The following GNG4 variants were observed in gnomAD, a reference collection of about 807,000 sequenced individuals.
GNG4 encodes the protein guanine nucleotide-binding protein G(I)/G(S)/G(O) subunit gamma-4.
In GNG4, 4 loss-of-function variants were observed where a neutral mutation model predicts 5.8. That is an observed-to-expected ratio of 0.69 (90% CI 0.34 to 1.57). The LOEUF (loss-of-function observed/expected upper bound fraction) is 1.57. GNG4 is among the 40% of genes most tolerant of loss of function. The pLI, the probability that GNG4 is intolerant of heterozygous loss-of-function variation, is 0.06. For synonymous variants in GNG4, 29 were observed against 32.9 expected (o/e 0.88, Z 0.41); for missense variants, 96 against 95.1 (o/e 1.01, Z -0.04).
intron 1 of GNG4, among the ~76,000 whole-genome samples, chr1:235,639,309 A>C (rs1657244907): frequency 6.6e-6 from 1 of 152,248 alleles, no homozygotes; most frequent in Non-Finnish European, 1.5e-5. Flanking sequence ...AGTTCATACA[A>C]CATAAGCCAC....
intron 1 of GNG4, among the ~76,000 whole-genome samples, chr1:235,632,846 G>A (rs1688961772): frequency 6.6e-6 from 1 of 152,132 alleles, no homozygotes; most frequent in Non-Finnish European, 1.5e-5. Flanking sequence ...AAAAAACGTA[G>A]TCACGTAGTT....
At chr1:235,608,687 ATTT>A (rs58183552) in intron 1 of GNG4, among the ~76,000 whole-genome samples, 78 of 143,450 alleles carry the variant, frequency 5.4e-4, no homozygotes, top group African/African-American at 1.6e-3. Context: ...TTTATTTTTT[ATTT>A]TTTTTTTTTT....
chr1:235,599,930 T>C (rs1688218111), intron 1 of GNG4, among the ~76,000 whole-genome samples: 1 of 152,094 alleles, frequency 6.6e-6, no homozygotes, highest in Non-Finnish European at 1.5e-5. Flanking sequence ...CATAGCATCT[T>C]CCATCCAACG....
chr1:235,587,768 TGTGGG>T (rs1342481586), intron 2 of GNG4, among the ~76,000 whole-genome samples: 5 of 103,412 alleles, frequency 4.8e-5, no homozygotes, highest in Admixed American at 1.0e-4. Flanking sequence ...TGTGGGAGAG[TGTGGG>T]GTGGGGGTGT....
Position 235,549,889 on chromosome 1 carries a change from A to G in GNG4, c.*2220T>C, listed in dbSNP as rs868126277. The G allele has an allele frequency of 2.6e-5, 4 of 152,156 alleles. No individual in the cohort carries two copies. Among genetic ancestry groups the G allele is most frequent in the Non-Finnish European group, 4.4e-5 (3 of 68,026 alleles). 9.4% of individuals were successfully genotyped at this position (152,156 alleles called of 1,614,324 possible). A position where few individuals can be genotyped will look rare whatever the true frequency, so the allele number is the denominator to read the frequency against. On this transcript the variant is annotated 3_prime_UTR_variant, in exon 4 of 4. Transcript: ENST00000391854. ...GCATTTAGTACATTTATTTGTTTTA[A>G]ATGATAATCAGAGCTTTCATCTATG...
Position 235,631,586 on chromosome 1 carries a change from T to C in GNG4, c.-123+18076A>G, listed in dbSNP as rs578106135. On this transcript the variant is annotated intron_variant, in intron 1 of 3. Transcript: ENST00000391854. ...TCTTTTCTTTCTTTCTTTTTTTTTT[T>C]TTCAGACAGAGTCTTGCTCTGTTGC... is the stretch of plus-strand genomic sequence containing the variant. Among the ~76,000 whole-genome samples the C allele has an allele frequency of 1.3e-3, 195 of 152,110 alleles. 1 individual carries two copies. Among genetic ancestry groups the C allele is most frequent in the African/African-American group, 4.5e-3 (187 of 41,516 alleles).
rs1686656210 is a variant in GNG4 at position 235,548,834 on chromosome 1, G to C, written c.*3275C>G. On this transcript the variant is annotated 3_prime_UTR_variant, in exon 4 of 4. Coordinates refer to ENST00000391854, the MANE Select transcript of GNG4 (RefSeq NM_001098722.2). ...TTATTCCATTCATCTTCCACTGACA[G>C]AGTGGGGGAGCTCAGTGACATGTCT... 6.6e-6 allele frequency: 1 copy of C among 152,244 alleles called. No individual in the cohort carries two copies. Among genetic ancestry groups the C allele is most frequent in the Non-Finnish European group, 1.5e-5 (1 of 68,072 alleles). The allele number at this position is 152,244 out of a possible 1,614,324, so 9.4% of individuals were successfully genotyped here. A position where few individuals can be genotyped will look rare whatever the true frequency, so the allele number is the denominator to read the frequency against.
chr1:235,592,358 G>T (rs12078941), intron 2 of GNG4, among the ~76,000 whole-genome samples: 59 of 152,058 alleles, frequency 3.9e-4, no homozygotes, highest in African/African-American at 1.4e-3. Context: ...ATACAAAAAA[G>T]ATTAGCCAGG....
intron 1 of GNG4, among the ~76,000 whole-genome samples, chr1:235,618,400 C>T (rs1688640320): frequency 6.6e-6 from 1 of 152,200 alleles, no homozygotes; most frequent in South Asian, 2.1e-4. Context: ...CGTGGGCCAG[C>T]CTCAGGCACG....
intron 1 of GNG4, among the ~76,000 whole-genome samples, chr1:235,613,406 A>T (rs1688524523): frequency 6.6e-6 from 1 of 152,190 alleles, no homozygotes; most frequent in African/African-American, 2.4e-5. Flanking sequence ...TAGGTTGCAG[A>T]TGCAATTAAC....
At chr1:235,587,885 GTGTT>G (rs1687861426) in intron 2 of GNG4, among the ~76,000 whole-genome samples, 1 of 151,142 alleles carries the variant, frequency 6.6e-6, no homozygotes, top group Non-Finnish European at 1.5e-5. Context: ...TGTGGGGGGT[GTGTT>G]TGTGTCTGGA....
chr1:235,605,962 G>GC (rs77540275), intron 1 of GNG4, among the ~76,000 whole-genome samples: 1 of 147,064 alleles, frequency 6.8e-6, no homozygotes, highest in African/African-American at 2.5e-5. Context: ...GTGTGGGGGG[G>GC]TGGGTCTCAC....
chr1:235,618,688 C>T (rs1168119930), intron 1 of GNG4, among the ~76,000 whole-genome samples: 1 of 150,768 alleles, frequency 6.6e-6, no homozygotes, highest in East Asian at 2.0e-4. Context: ...CAGAGTCTCA[C>T]TCTGTCACCG....
chr1:235,554,782 T>C (rs1686853930), intron 3 of GNG4, among the ~76,000 whole-genome samples: 1 of 148,698 alleles, frequency 6.7e-6, no homozygotes, highest in Non-Finnish European at 1.5e-5. Flanking sequence ...GAGTTGGAAG[T>C]TGCAATGAGC....
At chr1:235,598,697 C>T (rs1428413046) in intron 1 of GNG4, among the ~76,000 whole-genome samples, 1 of 151,332 alleles carries the variant, frequency 6.6e-6, no homozygotes, top group East Asian at 1.9e-4. Context: ...TGGGGGAGGA[C>T]TGAGGCATCA....
chr1:235,578,650 A>C (rs1687543393), intron 3 of GNG4, among the ~76,000 whole-genome samples: 1 of 152,248 alleles, frequency 6.6e-6, no homozygotes, highest in East Asian at 1.9e-4. Flanking sequence ...GAAGGATATT[A>C]TATTAAATGA....
At chr1:235,631,862 C>T (rs1202418504) in intron 1 of GNG4, among the ~76,000 whole-genome samples, 1 of 152,200 alleles carries the variant, frequency 6.6e-6, no homozygotes, top group African/African-American at 2.4e-5. Flanking sequence ...GCCACCGCGC[C>T]TGGCCAGTTT....
At chr1:235,612,440 G>A (rs758762216) in intron 1 of GNG4, among the ~76,000 whole-genome samples, 5 of 152,108 alleles carry the variant, frequency 3.3e-5, no homozygotes, top group African/African-American at 9.7e-5. Flanking sequence ...GGGAAGATGC[G>A]CACCACAGGG....
chr1:235,590,677 C>T (rs1489110449), intron 2 of GNG4, among the ~76,000 whole-genome samples: 1 of 152,082 alleles, frequency 6.6e-6, no homozygotes, highest in African/African-American at 2.4e-5. Context: ...TTCATGTGTG[C>T]GTGTTTGTGT....
Sources: allele counts gnomAD v4.1 joint callset (sites outside exome capture counted in the v4.1 genomes callset), GRCh38; gene constraint gnomAD v4.1.1; transcripts MANE v1.5; gene names NCBI Gene and HGNC (gene_info 2026-07-23, HGNC 2026-07-21).